ARHGAP24: variants seen among roughly 807,000 people sequenced by gnomAD.
ARHGAP24 encodes rho GTPase-activating protein 24.
Under a neutral mutation model 76.4 loss-of-function variants are expected in ARHGAP24, and 50 were observed. The observed-to-expected ratio is 0.65, with a 90% CI of 0.52 to 0.83. ARHGAP24 has a LOEUF of 0.83. Ranked by LOEUF, ARHGAP24 falls within the 40% of genes least tolerant of loss-of-function variation. ARHGAP24 has a pLI of 0.00. For missense variants in ARHGAP24, 930 were observed against 914.2 expected, an observed-to-expected ratio of 1.02 and a Z score of -0.22; for synonymous variants, 345 against 323.3, an observed-to-expected ratio of 1.07 and a Z score of -0.72.
chr4:85,780,441 G>A (rs1405671900), intron 3 of ARHGAP24, among the ~76,000 whole-genome samples: 4 of 152,056 alleles, frequency 2.6e-5, no homozygotes, highest in African/African-American at 9.7e-5. Context: ...CAAAGTGCTG[G>A]GATTACAAAC....
At chr4:85,625,147 C>G (rs1008089098) in intron 2 of ARHGAP24, among the ~76,000 whole-genome samples, 2 of 152,056 alleles carry the variant, frequency 1.3e-5, no homozygotes, top group African/African-American at 4.8e-5. Context: ...TTTTCTAGTT[C>G]TTTTAATTGT....
intron 3 of ARHGAP24, among the ~76,000 whole-genome samples, chr4:85,876,364 C>CT (rs1302643261): frequency 1.1e-4 from 17 of 152,290 alleles, no homozygotes; most frequent in Middle Eastern, 6.8e-3. Flanking sequence ...TGGAAGGAAA[C>CT]TTGAAGCAAT....
intron 5 of ARHGAP24, 49 bp from the exon 6 acceptor site, chr4:85,971,987 T>G: frequency 6.2e-7 from 1 of 1,613,416 alleles, no homozygotes; most frequent in South Asian, 1.1e-5. Flanking sequence ...ATAAATAGAA[T>G]GGTATGAAGT....
intron 3 of ARHGAP24, among the ~76,000 whole-genome samples, chr4:85,780,393 T>C (rs894474891): frequency 5.3e-5 from 8 of 152,092 alleles, no homozygotes; most frequent in Non-Finnish European, 1.2e-4. Context: ...ACGCTGGTCT[T>C]GAACTGCTGA....
intron 3 of ARHGAP24, among the ~76,000 whole-genome samples, chr4:85,763,460 A>G (rs1726813473): frequency 8.2e-6 from 1 of 122,496 alleles, no homozygotes; most frequent in Non-Finnish European, 1.6e-5. Context: ...TAGGGAGGGA[A>G]CACCTACCAA....
chr4:85,735,165 G>A (rs1725559745), intron 3 of ARHGAP24, among the ~76,000 whole-genome samples: 1 of 152,044 alleles, frequency 6.6e-6, no homozygotes, highest in Non-Finnish European at 1.5e-5. Context: ...ACAGGTGTGA[G>A]TACATTAATG....
chr4:85,628,325 A>T (rs1010483801), intron 2 of ARHGAP24, among the ~76,000 whole-genome samples: 1 of 152,164 alleles, frequency 6.6e-6, no homozygotes, highest in African/African-American at 2.4e-5. Flanking sequence ...TTCTAATTTC[A>T]TATTATTGCA....
At chr4:85,897,475 A>C (rs2148786765) in intron 3 of ARHGAP24, among the ~76,000 whole-genome samples, 1 of 152,304 alleles carries the variant, frequency 6.6e-6, no homozygotes, top group East Asian at 1.9e-4. Flanking sequence ...TATTGTTATT[A>C]TTATTATTAC....
At chr4:85,609,777 A>G (rs141485226) in intron 2 of ARHGAP24, among the ~76,000 whole-genome samples, 106 of 152,324 alleles carry the variant, frequency 7.0e-4, no homozygotes, top group African/African-American at 2.5e-3. Flanking sequence ...TAATGATTAA[A>G]TCAGCAGGGT....
intron 3 of ARHGAP24, among the ~76,000 whole-genome samples, chr4:85,725,050 C>T (rs970114648): frequency 6.6e-6 from 1 of 151,994 alleles, no homozygotes; most frequent in Non-Finnish European, 1.5e-5. Flanking sequence ...TAAATGTGTT[C>T]TAGTTGAATT....
intron 3 of ARHGAP24, among the ~76,000 whole-genome samples, chr4:85,773,004 C>T (rs952622102): frequency 6.6e-6 from 1 of 152,138 alleles, no homozygotes; most frequent in Non-Finnish European, 1.5e-5. Context: ...CCTCAGTTTC[C>T]TCGTCTGCAA....
At chr4:85,589,682 T>C (rs758182804) in intron 2 of ARHGAP24, among the ~76,000 whole-genome samples, 65 of 152,324 alleles carry the variant, frequency 4.3e-4, no homozygotes, top group Middle Eastern at 6.8e-3. Flanking sequence ...GTCCTTTCTT[T>C]TGAAACTAAT....
intron 3 of ARHGAP24, among the ~76,000 whole-genome samples, chr4:85,726,988 G>A (rs113756097): frequency 1.3e-4 from 20 of 152,012 alleles, no homozygotes; most frequent in Non-Finnish European, 1.9e-4. Context: ...GATCCAAGGT[G>A]GGGGGATCCT....
At position 85,538,875 on chromosome 4, in the gene ARHGAP24, A is replaced by G. The variant is rs568649107; in HGVS notation, c.-20-31647A>G. Among the ~76,000 whole-genome samples, 6 of 152,318 alleles carry G rather than the reference A, an allele frequency of 3.9e-5. No homozygotes were observed. The South Asian group carries it at 1.2e-3, about 32-fold the overall frequency. On this transcript the variant is annotated intron_variant, in intron 1 of 9. Transcript: ENST00000395184. Reference sequence around the variant, plus strand: ...AAGAGAAAGTTGATTTTATTATACAATGATAAAGGGCCAATATTGTAAATA... The same window carrying G: ...AAGAGAAAGTTGATTTTATTATACAGTGATAAAGGGCCAATATTGTAAATA...
At chr4:85,811,272 T>C (rs1332166825) in intron 3 of ARHGAP24, among the ~76,000 whole-genome samples, 1 of 152,214 alleles carries the variant, frequency 6.6e-6, no homozygotes, top group African/African-American at 2.4e-5. Context: ...TCCTATAAAA[T>C]ATTTTAAATA....
chr4:85,810,394 C>A (rs1308586028), intron 3 of ARHGAP24, among the ~76,000 whole-genome samples: 1 of 152,148 alleles, frequency 6.6e-6, no homozygotes, highest in Non-Finnish European at 1.5e-5. Context: ...AAAGTACAGG[C>A]ATATGCATCA....
intron 2 of ARHGAP24, among the ~76,000 whole-genome samples, chr4:85,721,432 A>G (rs1446539486): frequency 2.6e-5 from 4 of 152,162 alleles, no homozygotes; most frequent in Non-Finnish European, 2.9e-5. Flanking sequence ...AAGGAAAAGA[A>G]AGAAAAGGAA....
At chr4:85,965,619 A>C (rs1738549740) in intron 5 of ARHGAP24, among the ~76,000 whole-genome samples, 1 of 152,120 alleles carries the variant, frequency 6.6e-6, no homozygotes, top group Non-Finnish European at 1.5e-5. Flanking sequence ...TCCACTCCAA[A>C]TACATGTTCT....
intron 2 of ARHGAP24, among the ~76,000 whole-genome samples, chr4:85,608,305 T>G (rs894019868): frequency 6.6e-6 from 1 of 152,166 alleles, no homozygotes; most frequent in Non-Finnish European, 1.5e-5. Flanking sequence ...AATTACCTAA[T>G]GCATCTCTAT....
Sources: gnomAD v4.1 joint callset for allele counts (sites outside exome capture counted in the v4.1 genomes callset) on GRCh38, gnomAD v4.1.1 for gene constraint, MANE v1.5 for transcripts, NCBI Gene and HGNC (gene_info 2026-07-23, HGNC 2026-07-21) for gene names.